The following TRMT9B variants were observed in gnomAD, a reference collection of about 807,000 sequenced individuals.
The protein encoded by TRMT9B is tRNA methyltransferase 9B (putative).
TRMT9B carries 16 observed loss-of-function variants against 11.5 expected under a neutral mutation model. That is an observed-to-expected ratio of 1.39 (90% CI 0.94 to 2.11). The LOEUF is 2.11. TRMT9B is among the 30% of genes most tolerant of loss of function. The pLI is 0.00. For synonymous variants in TRMT9B, 274 were observed against 192.4 expected (o/e 1.42, Z -3.51); for missense variants, 941 against 553.8 (o/e 1.70, Z -7.02).
intron 1 of TRMT9B, among the ~76,000 whole-genome samples, chr8:12,957,422 CAG>C (rs1322312439): frequency 1.3e-5 from 2 of 151,924 alleles, no homozygotes; most frequent in Non-Finnish European, 2.9e-5. Flanking sequence ...AAAATTTTAT[CAG>C]AGCCTATAAC....
chr8:12,974,375 G>C (rs1804103661), intron 1 of TRMT9B, among the ~76,000 whole-genome samples: 1 of 152,270 alleles, frequency 6.6e-6, no homozygotes, highest in Non-Finnish European at 1.5e-5. Flanking sequence ...ATGAAACGTG[G>C]AGCCTGGATT....
intron 3 of TRMT9B, among the ~76,000 whole-genome samples, chr8:13,009,274 A>G (rs1811123830): frequency 6.6e-6 from 1 of 152,100 alleles, no homozygotes; most frequent in Admixed American, 6.6e-5. Context: ...GGGTAGGTGT[A>G]GGAAATGGTA....
At chr8:12,948,688 C>T (rs112647927) in intron 1 of TRMT9B, among the ~76,000 whole-genome samples, 1 of 151,954 alleles carries the variant, frequency 6.6e-6, no homozygotes, top group Non-Finnish European at 1.5e-5. Context: ...AGGCCAGGCA[C>T]GGTGGCTCAT....
chr8:12,987,644 A>G (rs1280264981), intron 1 of TRMT9B, among the ~76,000 whole-genome samples: 2 of 152,020 alleles, frequency 1.3e-5, no homozygotes. Context: ...GTGAGCTACG[A>G]TGGTGCCACT....
intron 2 of TRMT9B, among the ~76,000 whole-genome samples, chr8:12,992,706 A>C (rs905462377): frequency 6.7e-6 from 1 of 149,918 alleles, no homozygotes; most frequent in Admixed American, 6.6e-5. Flanking sequence ...CAAAAAAAGA[A>C]AAAAAAAAGC....
chr8:12,949,417 C>G (rs1335031894), intron 1 of TRMT9B, among the ~76,000 whole-genome samples: 1 of 152,086 alleles, frequency 6.6e-6, no homozygotes, highest in Non-Finnish European at 1.5e-5. Flanking sequence ...TTCTCTGGTA[C>G]AAAAATAACA....
At chr8:12,992,283 C>A (rs1413726502) in intron 2 of TRMT9B, among the ~76,000 whole-genome samples, 2 of 152,202 alleles carry the variant, frequency 1.3e-5, no homozygotes, top group South Asian at 2.1e-4. Flanking sequence ...TATTTGGGAA[C>A]ATATACAGAG....
intron 1 of TRMT9B, among the ~76,000 whole-genome samples, chr8:12,987,821 C>T (rs148677046): frequency 1.3e-5 from 2 of 152,286 alleles, no homozygotes; most frequent in African/African-American, 4.8e-5. Flanking sequence ...CAAAAAGGAA[C>T]ACTGTCAAAT....
At chr8:12,960,451 C>G (rs1024539126) in intron 1 of TRMT9B, 5 of 152,142 alleles carry the variant, frequency 3.3e-5, no homozygotes, top group African/African-American at 9.7e-5. Context: ...TTGGACTGTA[C>G]CTGTATGGGT....
chr8:12,981,501 T>G (rs1422368893), intron 1 of TRMT9B, among the ~76,000 whole-genome samples: 2 of 152,212 alleles, frequency 1.3e-5, no homozygotes, highest in South Asian at 2.1e-4. Context: ...GCACGGAGCA[T>G]TGGAGATTGG....
chr8:12,997,355 G>C (rs1232004147), intron 2 of TRMT9B, among the ~76,000 whole-genome samples: 6 of 152,184 alleles, frequency 3.9e-5, no homozygotes, highest in Admixed American at 6.5e-5. Context: ...CTGACCTTGT[G>C]ACACACGTGC....
chr8:13,003,619 G>A (rs1371420577), intron 2 of TRMT9B, among the ~76,000 whole-genome samples: 1 of 151,920 alleles, frequency 6.6e-6, no homozygotes, highest in East Asian at 1.9e-4. Context: ...GGTCTGGTGA[G>A]GCCAGATCGG....
intron 1 of TRMT9B, among the ~76,000 whole-genome samples, chr8:12,968,970 G>C (rs543869635): frequency 6.6e-6 from 1 of 152,324 alleles, no homozygotes; most frequent in South Asian, 2.1e-4. Flanking sequence ...CCAGCACTTT[G>C]GGAGGCCAAG....
At chr8:12,948,593 TATA>T (rs1466782372) in intron 1 of TRMT9B, among the ~76,000 whole-genome samples, 6 of 149,890 alleles carry the variant, frequency 4.0e-5, no homozygotes, top group Non-Finnish European at 8.9e-5. Flanking sequence ...ATATGCATGA[TATA>T]ATAATAAAAT....
intron 2 of TRMT9B, among the ~76,000 whole-genome samples, chr8:13,002,559 A>G (rs1261923650): frequency 6.6e-6 from 1 of 152,218 alleles, no homozygotes; most frequent in Non-Finnish European, 1.5e-5. Context: ...GGAGTTTGCT[A>G]GGATTTTTTG....
rs1213006561 is a variant in TRMT9B at position 12,945,961 on chromosome 8, T to A, written c.-205T>A. The A allele has an allele frequency of 6.6e-6, 1 of 152,194 alleles. No individual in the cohort carries two copies. Among genetic ancestry groups the A allele is most frequent in the East Asian group, 1.9e-4 (1 of 5,186 alleles). 9.4% of individuals were successfully genotyped at this position (152,194 alleles called of 1,614,324 possible). On this transcript the variant is annotated 5_prime_UTR_variant, in exon 1 of 5. Transcript: ENST00000524591. Reference sequence around the variant, plus strand: ...TCTCCTAGCAACTCTGCAGTCTTCCTTCAAGGTATGTGTTGCAATTTGGGG... The same window carrying A: ...TCTCCTAGCAACTCTGCAGTCTTCCATCAAGGTATGTGTTGCAATTTGGGG...
chr8:12,989,664 G>A (rs1174521393), intron 1 of TRMT9B, among the ~76,000 whole-genome samples: 1 of 152,174 alleles, frequency 6.6e-6, no homozygotes, highest in Non-Finnish European at 1.5e-5. Context: ...GATGACAGTC[G>A]ACTGCCCAGG....
At chr8:12,981,466 T>C (rs1359665337) in intron 1 of TRMT9B, among the ~76,000 whole-genome samples, 1 of 152,110 alleles carries the variant, frequency 6.6e-6, no homozygotes, top group African/African-American at 2.4e-5. Flanking sequence ...ACACAGAGGG[T>C]GACTTTTAGG....
chr8:13,009,103 A>G (rs1370648937), intron 3 of TRMT9B, among the ~76,000 whole-genome samples: 1 of 152,166 alleles, frequency 6.6e-6, no homozygotes, highest in African/African-American at 2.4e-5. Flanking sequence ...ATTTGCGACA[A>G]CACGGAGGAA....
Sources: gnomAD v4.1 joint callset for allele counts (sites outside exome capture counted in the v4.1 genomes callset) on GRCh38, gnomAD v4.1.1 for gene constraint, MANE v1.5 for transcripts, NCBI Gene and HGNC (gene_info 2026-07-23, HGNC 2026-07-21) for gene names.